The following CSMD1 variants were observed in gnomAD, a reference collection of about 807,000 sequenced individuals.
CSMD1 encodes CUB and Sushi multiple domains 1.
A neutral mutation model predicts 417.5 loss-of-function variants in CSMD1; 213 were observed. The ratio of observed to expected loss-of-function variants is 0.51; its 90% CI spans 0.46 to 0.57. The LOEUF is 0.57. CSMD1 is among the 20% of genes least tolerant of loss of function. The pLI, the probability that CSMD1 is intolerant of heterozygous loss-of-function variation, is 0.00. For missense variants in CSMD1, 6,923 were observed against 4,529.7 expected, an observed-to-expected ratio of 1.53 and a Z score of -15.17; for synonymous variants, 2,862 against 1,736.8, an observed-to-expected ratio of 1.65 and a Z score of -16.11.
Position 3,953,266 on chromosome 8 carries a change from C to T in CSMD1, c.818+44637G>A, listed in dbSNP as rs559639368. On this transcript the variant is annotated intron_variant, in intron 5 of 69. Coordinates refer to ENST00000635120, the MANE Select transcript of CSMD1 (RefSeq NM_033225.6). ...ATAGGAGTTAAGGAGAAGTTTTTAC[C>T]CTGGATTAAGAGAATTCAACTCAGA... Among the ~76,000 whole-genome samples, 23 of 151,686 alleles carry T rather than the reference C, an allele frequency of 1.5e-4. 1 individual carries two copies. In the South Asian group the frequency reaches 4.6e-3, roughly 30 times the overall value.
intron 25 of CSMD1, among the ~76,000 whole-genome samples, chr8:3,304,713 T>C (rs993921362): frequency 1.6e-5 from 1 of 64,456 alleles, no homozygotes; most frequent in South Asian, 5.5e-4. Flanking sequence ...TTTATTCAAA[T>C]ATTTTTTTAT....
intron 40 of CSMD1, among the ~76,000 whole-genome samples, chr8:3,148,380 G>C (rs1340961980): frequency 6.6e-6 from 1 of 152,162 alleles, no homozygotes; most frequent in African/African-American, 2.4e-5. Context: ...ACAAGAATAA[G>C]GCAAGGTTCA....
At chr8:4,958,284 TG>T (rs1425883599) in intron 1 of CSMD1, among the ~76,000 whole-genome samples, 1 of 152,176 alleles carries the variant, frequency 6.6e-6, no homozygotes, top group South Asian at 2.1e-4. Context: ...TGCACATATT[TG>T]ACACATCAAT....
chr8:3,804,072 G>A (rs1471273185), intron 5 of CSMD1, among the ~76,000 whole-genome samples: 5 of 151,892 alleles, frequency 3.3e-5, no homozygotes, highest in African/African-American at 9.7e-5. Context: ...GATTACAGAC[G>A]TGCACCACCA....
intron 17 of CSMD1, among the ~76,000 whole-genome samples, chr8:3,395,139 T>C (rs1232150932): frequency 6.6e-6 from 1 of 152,160 alleles, no homozygotes; most frequent in African/African-American, 2.4e-5. Flanking sequence ...AAACCCATCA[T>C]AGTAGACATG....
rs1305515002 is a variant in CSMD1 at position 3,408,375 on chromosome 8, T to G, written c.1745-150A>C. On this transcript the variant is annotated intron_variant, in intron 13 of 69. Transcript: ENST00000635120. ...TTTTAATATAAGTAATTCTGGACCATAATGTTTTCTCCTTTCCTAATTTGT... is the reference window on the plus strand; with the variant it reads ...TTTTAATATAAGTAATTCTGGACCAGAATGTTTTCTCCTTTCCTAATTTGT... 3 of 630,338 alleles carry G rather than the reference T, an allele frequency of 4.8e-6. No individual in the cohort carries two copies. In the African/African-American group the frequency reaches 5.5e-5, roughly 12 times the overall value. 39.0% of individuals were successfully genotyped at this position (630,338 alleles called of 1,614,324 possible).
At position 3,707,485 on chromosome 8, in the gene CSMD1, A is replaced by G. The variant is rs148954794; in HGVS notation, c.1009+929T>C. Among the ~76,000 whole-genome samples, 738 of 152,336 alleles carry G rather than the reference A, an allele frequency of 4.8e-3. 10 individuals carry two copies. The highest frequency in any genetic ancestry group is 0.017 in the African/African-American group (702 of 41,582). ...TAGAAAACACAACCCAATGGGTAGA[A>G]AGTCCTAGAAGAAGCGTGAGCAGAA... is the stretch of plus-strand genomic sequence containing the variant. On this transcript the variant is annotated intron_variant, in intron 7 of 69. Transcript: ENST00000635120.
At chr8:4,864,897 A>AAAC (rs1802338050) in intron 1 of CSMD1, among the ~76,000 whole-genome samples, 14 of 50,484 alleles carry the variant, frequency 2.8e-4, no homozygotes, top group African/African-American at 5.4e-4. Flanking sequence ...CACACACACA[A>AAAC]ACACACACAC....
chr8:4,859,970 T>C (rs1046396658), intron 1 of CSMD1, among the ~76,000 whole-genome samples: 9 of 152,132 alleles, frequency 5.9e-5, no homozygotes, highest in East Asian at 3.9e-4. Context: ...CATATGTTTA[T>C]TGCCGCGTTA....
intron 18 of CSMD1, among the ~76,000 whole-genome samples, chr8:3,381,454 T>C (rs1353541286): frequency 6.6e-6 from 1 of 152,152 alleles, no homozygotes; most frequent in Non-Finnish European, 1.5e-5. Flanking sequence ...TATTGCAAAT[T>C]TAGGGTAATT....
intron 20 of CSMD1, among the ~76,000 whole-genome samples, chr8:3,363,311 G>A (rs1024051793): frequency 6.6e-6 from 1 of 152,064 alleles, no homozygotes; most frequent in Admixed American, 6.5e-5. Context: ...GAAAAGTCAT[G>A]GTACCATTGA....
intron 1 of CSMD1, among the ~76,000 whole-genome samples, chr8:4,885,267 C>A (rs1325417613): frequency 6.6e-6 from 1 of 151,952 alleles, no homozygotes; most frequent in Non-Finnish European, 1.5e-5. Flanking sequence ...CAAGAGTGTA[C>A]CATCAGAAAT....
At chr8:4,668,254 A>G (rs1805063083) in intron 1 of CSMD1, among the ~76,000 whole-genome samples, 2 of 151,810 alleles carry the variant, frequency 1.3e-5, no homozygotes, top group Admixed American at 6.6e-5. Flanking sequence ...AGCCCAAACC[A>G]CAAACCCAAA....
At chr8:4,174,898 ACT>A (rs1390502403) in intron 3 of CSMD1, among the ~76,000 whole-genome samples, 1 of 150,758 alleles carries the variant, frequency 6.6e-6, no homozygotes, top group Non-Finnish European at 1.5e-5. Context: ...TCTCAGCCAC[ACT>A]CTGACATCTT....
chr8:3,120,257 G>T (rs1463609356), intron 41 of CSMD1, among the ~76,000 whole-genome samples: 1 of 152,140 alleles, frequency 6.6e-6, no homozygotes, highest in African/African-American at 2.4e-5. Flanking sequence ...TCAGGGATTA[G>T]ATTTAAGAGG....
At chr8:4,378,077 C>T (rs1012825446) in intron 3 of CSMD1, among the ~76,000 whole-genome samples, 17 of 152,130 alleles carry the variant, frequency 1.1e-4, no homozygotes, top group South Asian at 6.2e-4. Context: ...TTACAGACTC[C>T]GAAGGTGAAG....
chr8:2,992,687 A>T (rs583876), intron 54 of CSMD1, among the ~76,000 whole-genome samples: 14,570 of 151,886 alleles, frequency 0.096, 1,780 homozygotes, highest in African/African-American at 0.29. Flanking sequence ...AGCCTCCCAA[A>T]GTGCTGTGAC....
chr8:4,567,026 T>G (rs1585259945), intron 2 of CSMD1, among the ~76,000 whole-genome samples: 1 of 152,200 alleles, frequency 6.6e-6, no homozygotes, highest in African/African-American at 2.4e-5. Context: ...AGGTATTAAC[T>G]GGCGTCCTAC....
intron 23 of CSMD1, among the ~76,000 whole-genome samples, chr8:3,323,134 T>C (rs1482235881): frequency 6.6e-6 from 1 of 152,206 alleles, no homozygotes; most frequent in Non-Finnish European, 1.5e-5. Flanking sequence ...TGTCTAACAT[T>C]GTCTTATTAG....
Sources: gnomAD v4.1 joint callset for allele counts (sites outside exome capture counted in the v4.1 genomes callset) on GRCh38, gnomAD v4.1.1 for gene constraint, MANE v1.5 for transcripts, NCBI Gene and HGNC (gene_info 2026-07-23, HGNC 2026-07-21) for gene names.